Variants in CACNA2D2 observed in about 807,000 individuals in gnomAD.
CACNA2D2 encodes the protein voltage-dependent calcium channel subunit alpha-2/delta-2.
A neutral mutation model predicts 166.4 loss-of-function variants in CACNA2D2; 48 were observed. The ratio of observed to expected loss-of-function variants is 0.29; its 90% CI spans 0.23 to 0.37. The LOEUF (loss-of-function observed/expected upper bound fraction) is 0.37. Ranked by LOEUF, CACNA2D2 falls within the 10% of genes least tolerant of loss-of-function variation. The pLI is 1.00. For missense variants in CACNA2D2, 1,122 were observed against 1,433.0 expected, an observed-to-expected ratio of 0.78 and a Z score of 3.50; for synonymous variants, 561 against 573.7, an observed-to-expected ratio of 0.98 and a Z score of 0.32.
At chr3:50,490,834 C>A (rs575888102) in intron 1 of CACNA2D2, among the ~76,000 whole-genome samples, 1 of 152,310 alleles carries the variant, frequency 6.6e-6, no homozygotes, top group Admixed American at 6.5e-5. Context: ...TATTTCAGGA[C>A]AAGAATAGGG....
At position 50,365,124 on chromosome 3, in the gene CACNA2D2, C is replaced by T. The variant is rs373592672; in HGVS notation, c.3159G>A (p.Pro1053=). Residue 1053 remains proline, a synonymous_variant, in exon 36 of 38, where the codon CCG becomes CCA. Coordinates refer to ENST00000424201, the MANE Select transcript of CACNA2D2 (RefSeq NM_006030.4). This position sits in a 1 kb window ranked among gnomAD's most constrained non-coding sequence, Gnocchi z 4.5. ...TNLLFVVAEK[P]LCSQCEAGRL... ...GGCCAGCCTCGCACTGGCTGCACAGCGGCTTCTCGGCCACCACAAAGAGAA... is the reference window on the plus strand; with the variant it reads ...GGCCAGCCTCGCACTGGCTGCACAGTGGCTTCTCGGCCACCACAAAGAGAA... The T allele has an allele frequency of 2.5e-6, 4 of 1,612,082 alleles. No homozygotes were observed. The highest frequency in any genetic ancestry group is 1.3e-5 in the African/African-American group (1 of 75,002).
intron 2 of CACNA2D2, among the ~76,000 whole-genome samples, chr3:50,447,206 C>T (rs1297059043): frequency 6.6e-6 from 1 of 152,216 alleles, no homozygotes; most frequent in East Asian, 1.9e-4. Flanking sequence ...CGGGAACTCA[C>T]TGCCTGTGTG....
Position 50,427,396 on chromosome 3 carries a change from C to T in CACNA2D2, c.405+6917G>A, listed in dbSNP as rs1274471514. Among the ~76,000 whole-genome samples the T allele has an allele frequency of 1.3e-5, 2 of 152,236 alleles. No individual in the cohort carries two copies. Among genetic ancestry groups the T allele is most frequent in the African/African-American group, 2.4e-5 (1 of 41,468 alleles). On this transcript the variant is annotated intron_variant, in intron 3 of 37. Transcript: ENST00000424201. This position sits in a 1 kb window ranked among gnomAD's most constrained non-coding sequence, Gnocchi z 4.7. Reference sequence around the variant, plus strand: ...TGGGCGGCAACTTGCCAGGAAGCAGCGGCACTGTTTGGGTGAGGGGAGAAT... The same window carrying T: ...TGGGCGGCAACTTGCCAGGAAGCAGTGGCACTGTTTGGGTGAGGGGAGAAT...
chr3:50,432,205 TG>T (rs1191300939), intron 3 of CACNA2D2, among the ~76,000 whole-genome samples: 1 of 151,454 alleles, frequency 6.6e-6, no homozygotes, highest in Non-Finnish European at 1.5e-5. Flanking sequence ...CCTTTAGGGG[TG>T]GGGGAAGTGG....
chr3:50,465,369 C>T (rs1056992109), intron 2 of CACNA2D2, among the ~76,000 whole-genome samples: 2 of 152,182 alleles, frequency 1.3e-5, no homozygotes, highest in East Asian at 3.8e-4. Context: ...AAGGCTCCTC[C>T]GTCAGCACCT....
intron 3 of CACNA2D2, among the ~76,000 whole-genome samples, chr3:50,413,804 G>A (rs1338530145): frequency 6.6e-6 from 1 of 152,118 alleles, no homozygotes. Context: ...CCGAGACCGT[G>A]CCACTGCATT....
chr3:50,454,501 CAG>C (rs2106971492), intron 2 of CACNA2D2, among the ~76,000 whole-genome samples: 1 of 152,352 alleles, frequency 6.6e-6, no homozygotes, highest in Non-Finnish European at 1.5e-5. Context: ...AGCCTCCAAT[CAG>C]GGCCTGGGAA....
intron 2 of CACNA2D2, among the ~76,000 whole-genome samples, chr3:50,441,840 C>T (rs1171530387): frequency 6.6e-6 from 1 of 152,240 alleles, no homozygotes; most frequent in African/African-American, 2.4e-5. Context: ...CTCCAAGGTT[C>T]CTGATGGCTT....
intron 2 of CACNA2D2, among the ~76,000 whole-genome samples, chr3:50,446,835 G>A (rs917731799): frequency 2.0e-5 from 3 of 152,164 alleles, no homozygotes; most frequent in African/African-American, 7.2e-5. Flanking sequence ...GTTCTGAGCT[G>A]GCCCAGAGGG....
chr3:50,499,219 C>T (rs1464298431), intron 1 of CACNA2D2, among the ~76,000 whole-genome samples: 1 of 152,126 alleles, frequency 6.6e-6, no homozygotes, highest in African/African-American at 2.4e-5. Flanking sequence ...GGGTGTGAGA[C>T]CTTGAAGGAG....
intron 6 of CACNA2D2, among the ~76,000 whole-genome samples, chr3:50,381,720 C>T (rs141569705): frequency 5.3e-5 from 8 of 152,112 alleles, no homozygotes; most frequent in African/African-American, 1.7e-4. Context: ...TACTTGTACA[C>T]GCATGCGCAC....
Position 50,380,677 on chromosome 3 carries a change from G to T in CACNA2D2, c.842+71C>A. 1 of 1,238,778 alleles carries T rather than the reference G, an allele frequency of 8.1e-7. No homozygotes were observed. Among genetic ancestry groups the T allele is most frequent in the Non-Finnish European group, 1.1e-6 (1 of 911,110 alleles). 76.7% of individuals were successfully genotyped at this position (1,238,778 alleles called of 1,614,324 possible). A position where few individuals can be genotyped will look rare whatever the true frequency, so the allele number is the denominator to read the frequency against. On this transcript the variant is annotated intron_variant, in intron 8 of 37. Transcript: ENST00000424201. This position sits in a 1 kb window ranked among gnomAD's most constrained non-coding sequence, Gnocchi z 4.9. ...CTGCTAGGAGGCTTGGAAATGGGGA[G>T]GGAGGGGAGCAGGCAGGAAAGGTGG... is the stretch of plus-strand genomic sequence containing the variant.
At chr3:50,393,845 C>T (rs1448602759) in intron 4 of CACNA2D2, among the ~76,000 whole-genome samples, 2 of 152,218 alleles carry the variant, frequency 1.3e-5, no homozygotes, top group African/African-American at 4.8e-5. Context: ...CTGGGGAACA[C>T]AGGGAACACT....
chr3:50,491,643 C>T (rs1447563191), intron 1 of CACNA2D2, among the ~76,000 whole-genome samples: 4 of 152,122 alleles, frequency 2.6e-5, no homozygotes, highest in Non-Finnish European at 5.9e-5. Context: ...TGAGAACAGG[C>T]GACAGCACCA....
At chr3:50,455,331 C>G (rs1217384069) in intron 2 of CACNA2D2, among the ~76,000 whole-genome samples, 1 of 152,204 alleles carries the variant, frequency 6.6e-6, no homozygotes, top group Non-Finnish European at 1.5e-5. Flanking sequence ...CTGGGGGCCA[C>G]GAGCTCAGAA....
At chr3:50,417,948 G>A (rs1260113812) in intron 3 of CACNA2D2, among the ~76,000 whole-genome samples, 1 of 152,174 alleles carries the variant, frequency 6.6e-6, no homozygotes, top group Non-Finnish European at 1.5e-5. Context: ...GCAGGATGGG[G>A]TTCAGGGAGC....
intron 2 of CACNA2D2, among the ~76,000 whole-genome samples, chr3:50,454,894 C>T (rs943465933): frequency 6.6e-6 from 1 of 152,186 alleles, no homozygotes; most frequent in African/African-American, 2.4e-5. Context: ...GGGAACACTG[C>T]CTGCTGCACT....
intron 4 of CACNA2D2, 81 bp from the exon 5 acceptor site, chr3:50,387,693 G>T: frequency 9.2e-7 from 1 of 1,088,596 alleles, no homozygotes; most frequent in Non-Finnish European, 1.4e-6. Context: ...GGCCTGCATG[G>T]CACCCTTAGA....
At position 50,366,646 on chromosome 3, in the gene CACNA2D2, A is replaced by G. The variant is rs770324477; in HGVS notation, c.2590-21T>C. 23 of 1,613,364 alleles carry G rather than the reference A, an allele frequency of 1.4e-5. No individual in the cohort carries two copies. In the East Asian group the frequency reaches 5.1e-4, roughly 36 times the overall value. The stretch of plus-strand genomic sequence containing the variant: ...CCGCACTGCTGGGCAGAGAGTGAGG[A>G]CCGTAAGCCACCCACCAGTTTTCCT... On this transcript the variant is annotated intron_variant, in intron 29 of 37. Coordinates refer to ENST00000424201, the MANE Select transcript of CACNA2D2 (RefSeq NM_006030.4). This position sits in a 1 kb window ranked among gnomAD's most constrained non-coding sequence, Gnocchi z 5.9.
Sources: gnomAD v4.1 joint callset for allele counts (sites outside exome capture counted in the v4.1 genomes callset) on GRCh38, gnomAD v4.1.1 for gene constraint, Gnocchi (gnomAD v3.1) non-coding constraint, MANE v1.5 for transcripts, NCBI Gene and HGNC (gene_info 2026-07-23, HGNC 2026-07-21) for gene names.